Variants in GAS6 observed in about 807,000 individuals in gnomAD.
GAS6 encodes the protein growth arrest specific 6, also known as growth arrest-specific protein 6.
GAS6 carries 41 observed loss-of-function variants against 75.8 expected under a neutral mutation model. That is an observed-to-expected ratio of 0.54 (90% CI 0.42 to 0.70). GAS6 has a LOEUF of 0.70. Among genes scored for constraint, GAS6 ranks in the 30% least tolerant of loss-of-function variants. The pLI is 0.00. For missense variants in GAS6, 854 were observed against 940.2 expected, an observed-to-expected ratio of 0.91 and a Z score of 1.20; for synonymous variants, 432 against 412.6, an observed-to-expected ratio of 1.05 and a Z score of -0.57.
intron 5 of GAS6, chr13:113,839,485 T>G: frequency 2.2e-6 from 1 of 457,394 alleles, no homozygotes; most frequent in Non-Finnish European, 3.8e-6. Flanking sequence ...CCCCCGCCCT[T>G]CAATCAGTGG....
At chr13:113,825,825 G>A (rs2051530129) in intron 12 of GAS6, among the ~76,000 whole-genome samples, 1 of 109,262 alleles carries the variant, frequency 9.2e-6, no homozygotes, top group South Asian at 2.7e-4. Flanking sequence ...CCCGGGGGGA[G>A]ACGGTGACAC....
intron 2 of GAS6, among the ~76,000 whole-genome samples, chr13:113,856,578 G>T (rs1288817104): frequency 1.3e-5 from 2 of 152,308 alleles, no homozygotes; most frequent in East Asian, 3.9e-4. Context: ...ATCTGAGAAC[G>T]GGAGTGATCG....
intron 2 of GAS6, among the ~76,000 whole-genome samples, chr13:113,850,428 G>C (rs2051864317): frequency 6.6e-6 from 1 of 152,142 alleles, no homozygotes; most frequent in African/African-American, 2.4e-5. Flanking sequence ...TGGCGTGCTG[G>C]GGTTAGGTGA....
intron 6 of GAS6, chr13:113,836,123 C>T: frequency 1.1e-6 from 1 of 940,686 alleles, no homozygotes; most frequent in Non-Finnish European, 1.2e-6. Context: ...GCCAAGCACC[C>T]TGGGGTAGGA....
chr13:113,843,124 C>T, intron 4 of GAS6: 5 of 338,288 alleles, frequency 1.5e-5, no homozygotes, highest in Non-Finnish European at 2.6e-5. Context: ...AGACAGAAAC[C>T]TCTGCAGGCC....
At chr13:113,831,777 G>C (rs571376001) in intron 10 of GAS6, among the ~76,000 whole-genome samples, 1 of 144,812 alleles carries the variant, frequency 6.9e-6, no homozygotes, top group Non-Finnish European at 1.5e-5. Flanking sequence ...AACTAAACGG[G>C]GCAGGGGTCC....
chr13:113,834,716 C>T (rs749339798), intron 7 of GAS6, 44 bp from the exon 8 acceptor site: 40 of 1,433,028 alleles, frequency 2.8e-5, no homozygotes, highest in South Asian at 9.8e-5. Context: ...GAGGCCTCTA[C>T]GCTGTCCCGC....
intron 4 of GAS6, chr13:113,841,450 C>A: frequency 8.9e-6 from 1 of 112,760 alleles, no homozygotes; most frequent in Non-Finnish European, 2.0e-5. Context: ...TCCGTACACC[C>A]GCGTTTCCTC....
At chr13:113,822,220 G>A (rs373917784) in intron 13 of GAS6, 34 bp from the exon 14 acceptor site, 51 of 1,472,330 alleles carry the variant, frequency 3.5e-5, no homozygotes, top group Admixed American at 6.6e-5. Flanking sequence ...AGGGCCTGCC[G>A]GCCACCCCTA....
intron 3 of GAS6, chr13:113,846,867 C>T (rs906214746): frequency 1.2e-5 from 6 of 510,512 alleles, no homozygotes; most frequent in African/African-American, 5.8e-5. Context: ...TCCTGCCATA[C>T]GGGAGAATCA....
chr13:113,822,255 T>A, intron 13 of GAS6, 69 bp from the exon 14 acceptor site: 2 of 1,228,810 alleles, frequency 1.6e-6, no homozygotes, highest in Non-Finnish European at 1.1e-6. Flanking sequence ...TCCAAGCTGG[T>A]CCTCACAGCT....
chr13:113,858,812 TGA>T (rs2051940140), intron 2 of GAS6, among the ~76,000 whole-genome samples: 1 of 151,808 alleles, frequency 6.6e-6, no homozygotes, highest in Admixed American at 6.5e-5. Flanking sequence ...TATGTCTATG[TGA>T]ATGTGTGCAT....
At chr13:113,854,856 C>T (rs945802119) in intron 2 of GAS6, among the ~76,000 whole-genome samples, 2 of 152,308 alleles carry the variant, frequency 1.3e-5, no homozygotes, top group African/African-American at 2.4e-5. Context: ...ACTGTTTGCA[C>T]GTGGTGGGCA....
Position 113,820,756 on chromosome 13 carries a change from A to T in GAS6, c.*108T>A. 1 of 1,264,322 alleles carries T rather than the reference A, an allele frequency of 7.9e-7. No individual in the cohort carries two copies. Among genetic ancestry groups the T allele is most frequent in the Non-Finnish European group, 1.1e-6 (1 of 929,968 alleles). The allele number at this position is 1,264,322 out of a possible 1,614,324, so 78.3% of individuals were successfully genotyped here. The stretch of plus-strand genomic sequence containing the variant: ...AGATATGTTACAGGCCGGGATGGTC[A>T]CAGAGGAAAGCCCAGCTCTCAGCAT... On this transcript the variant is annotated 3_prime_UTR_variant, in exon 15 of 15. Transcript: ENST00000327773.
At chr13:113,836,579 A>G (rs1219753813) in intron 6 of GAS6, among the ~76,000 whole-genome samples, 3 of 64 alleles carry the variant, frequency 0.047, no homozygotes, top group African/African-American at 0.14. Flanking sequence ...GGGAGGGGTG[A>G]GGGAGGGGGT....
intron 13 of GAS6, chr13:113,823,135 A>G (rs11842558): frequency 0.067 from 30,721 of 455,238 alleles, 1,485 homozygotes; most frequent in African/African-American, 0.15. Context: ...CCACACTGTG[A>G]GCCGAGTGTG....
intron 4 of GAS6, 116 bp downstream of exon 4, chr13:113,846,411 G>A: frequency 1.3e-6 from 1 of 799,806 alleles, no homozygotes; most frequent in Non-Finnish European, 2.0e-6. Context: ...GCCTCGGCAA[G>A]GGACCACAGC....
chr13:113,856,913 G>A (rs972628261), intron 2 of GAS6, among the ~76,000 whole-genome samples: 3 of 152,172 alleles, frequency 2.0e-5, no homozygotes, highest in Admixed American at 1.3e-4. Context: ...CTGTACTGTG[G>A]ACAGTTGGTC....
intron 2 of GAS6, among the ~76,000 whole-genome samples, chr13:113,855,396 C>T (rs2051906392): frequency 6.6e-6 from 1 of 152,228 alleles, no homozygotes; most frequent in African/African-American, 2.4e-5. Flanking sequence ...ATGCCTGGGT[C>T]TTGCCAGCCA....
Sources: gnomAD v4.1 joint callset for allele counts (sites outside exome capture counted in the v4.1 genomes callset) on GRCh38, gnomAD v4.1.1 for gene constraint, MANE v1.5 for transcripts, NCBI Gene and HGNC (gene_info 2026-07-23, HGNC 2026-07-21) for gene names.